RREB1: variants seen among roughly 807,000 people sequenced by gnomAD.
The protein encoded by RREB1 is ras-responsive element-binding protein 1.
Under a neutral mutation model 117.8 loss-of-function variants are expected in RREB1, and 27 were observed. That is an observed-to-expected ratio of 0.23 (90% CI 0.17 to 0.32). The LOEUF is 0.32. Among genes scored for constraint, RREB1 ranks in the 10% least tolerant of loss-of-function variants. RREB1 has a pLI of 1.00. For missense variants in RREB1, 2,577 were observed against 2,378.2 expected (o/e 1.08, Z -1.74); for synonymous variants, 1,298 against 1,026.7 (o/e 1.26, Z -5.05).
intron 10 of RREB1, among the ~76,000 whole-genome samples, chr6:7,236,164 A>G (rs1371468087): frequency 6.6e-6 from 1 of 152,126 alleles, no homozygotes; most frequent in Non-Finnish European, 1.5e-5. Flanking sequence ...TTTAGGCCAC[A>G]GGTGGAGGAG....
At chr6:7,196,049 C>T (rs1765649508) in intron 6 of RREB1, among the ~76,000 whole-genome samples, 1 of 152,148 alleles carries the variant, frequency 6.6e-6, no homozygotes, top group Non-Finnish European at 1.5e-5. Context: ...TTACCCTTCC[C>T]CCTCCTCCTG....
intron 5 of RREB1, 96 bp downstream of exon 5, chr6:7,187,619 A>G (rs1765155761): frequency 1.9e-6 from 1 of 531,906 alleles, no homozygotes. Context: ...AAGAGGGGGA[A>G]GAGTAGAACA....
chr6:7,237,307 GAA>G (rs1768396428), intron 10 of RREB1, among the ~76,000 whole-genome samples: 2 of 151,910 alleles, frequency 1.3e-5, no homozygotes, highest in Admixed American at 6.6e-5. Context: ...GGCTGGTCTT[GAA>G]CTCCCGATCT....
At chr6:7,245,293 G>T (rs892382671) in intron 11 of RREB1, among the ~76,000 whole-genome samples, 1 of 152,192 alleles carries the variant, frequency 6.6e-6, no homozygotes, top group African/African-American at 2.4e-5. Context: ...CTCTTGGGAG[G>T]CTGAGGCAGG....
At position 7,230,506 on chromosome 6, in the gene RREB1, C is replaced by T. The variant is rs1317687969; in HGVS notation, c.2407C>T (p.Arg803Cys). The change falls in exon 10 of 13, where the codon CGC becomes TGC. Residue 803 changes from arginine (R) to cysteine (C), a missense_variant. Transcript: ENST00000379938. The stretch of plus-strand genomic sequence containing the variant: ...GTGCAGCGCCGCGTTCGCGGCCAAG[C>T]GCAACTGCATCCACCACATCCTCAA... ...KECSAAFAAKRNCIHHILKQH... is the reference protein window; with the variant it reads ...KECSAAFAAKCNCIHHILKQH... 3.1e-6 allele frequency: 5 copies of T among 1,593,224 alleles called. No individual in the cohort carries two copies. Among genetic ancestry groups the T allele is most frequent in the Non-Finnish European group, 4.3e-6 (5 of 1,176,184 alleles).
chr6:7,177,922 C>G (rs1764589916), intron 2 of RREB1, among the ~76,000 whole-genome samples: 1 of 152,122 alleles, frequency 6.6e-6, no homozygotes, highest in African/African-American at 2.4e-5. Context: ...GGGGTTTTGC[C>G]ATGTTAGCCA....
intron 10 of RREB1, among the ~76,000 whole-genome samples, chr6:7,236,887 GTTTT>G (rs869133214): frequency 4.7e-5 from 3 of 63,402 alleles, no homozygotes; most frequent in African/African-American, 6.9e-5. Context: ...GTTTTTGGAG[GTTTT>G]TTTTTTTTTT....
intron 1 of RREB1, among the ~76,000 whole-genome samples, chr6:7,167,627 G>C (rs947875553): frequency 1.3e-5 from 2 of 152,118 alleles, no homozygotes; most frequent in African/African-American, 2.4e-5. Context: ...CACCGCTCCC[G>C]GCCGGGGACA....
At chr6:7,215,100 C>A in intron 8 of RREB1, 1 of 153,424 alleles carries the variant, frequency 6.5e-6, no homozygotes, top group Non-Finnish European at 1.5e-5. Flanking sequence ...CAGGCTATGG[C>A]GAGCTGGCGT....
chr6:7,151,242 A>G (rs1763109010), intron 1 of RREB1, among the ~76,000 whole-genome samples: 1 of 152,200 alleles, frequency 6.6e-6, no homozygotes, highest in African/African-American at 2.4e-5. Context: ...TTTACTAGAT[A>G]TTGTATTATG....
chr6:7,148,494 A>G (rs1480760750), intron 1 of RREB1, among the ~76,000 whole-genome samples: 1 of 151,088 alleles, frequency 6.6e-6, no homozygotes, highest in African/African-American at 2.5e-5. Context: ...CAATTGAGAA[A>G]AACAAGCATG....
chr6:7,232,744 A>G (rs1768075352), intron 10 of RREB1, among the ~76,000 whole-genome samples: 2 of 149,044 alleles, frequency 1.3e-5, no homozygotes, highest in East Asian at 2.0e-4. Context: ...CCCCAAAAGT[A>G]TCTTCCTTTT....
chr6:7,228,090 A>T (rs1581568959), intron 9 of RREB1, among the ~76,000 whole-genome samples: 1 of 152,072 alleles, frequency 6.6e-6, no homozygotes, highest in East Asian at 1.9e-4. Flanking sequence ...CCTTGAAATT[A>T]TTTTTTTCCC....
intron 1 of RREB1, among the ~76,000 whole-genome samples, chr6:7,132,940 A>C (rs1162644230): frequency 6.6e-6 from 1 of 152,194 alleles, no homozygotes; most frequent in East Asian, 1.9e-4. Flanking sequence ...CCTTTTAAAA[A>C]CATGTTTAAT....
At chr6:7,242,642 T>C (rs962217616) in intron 11 of RREB1, among the ~76,000 whole-genome samples, 8 of 134,728 alleles carry the variant, frequency 5.9e-5, no homozygotes, top group South Asian at 2.5e-4. Flanking sequence ...CATTCTGGGT[T>C]CCCCCCCCCC....
At chr6:7,200,228 ATATG>A (rs1479068936) in intron 6 of RREB1, among the ~76,000 whole-genome samples, 4 of 145,944 alleles carry the variant, frequency 2.7e-5, no homozygotes, top group East Asian at 4.1e-4. Flanking sequence ...GTATATATAT[ATATG>A]TATGTGTGTA....
chr6:7,240,985 T>C (rs1768671069), intron 11 of RREB1, among the ~76,000 whole-genome samples: 1 of 152,138 alleles, frequency 6.6e-6, no homozygotes, highest in African/African-American at 2.4e-5. Context: ...CCTAAAGGTT[T>C]GGGGAGCCTT....
intron 8 of RREB1, 68 bp downstream of exon 8, chr6:7,211,777 T>C: frequency 1.3e-6 from 2 of 1,509,746 alleles, no homozygotes; most frequent in Non-Finnish European, 1.8e-6. Flanking sequence ...TGTTCTTAAG[T>C]CCCGTTACTC....
At chr6:7,121,059 G>C (rs1359960539) in intron 1 of RREB1, among the ~76,000 whole-genome samples, 3 of 151,558 alleles carry the variant, frequency 2.0e-5, no homozygotes, top group Non-Finnish European at 4.4e-5. Context: ...CCCAACCTCA[G>C]GTGATCCACC....
Sources: allele counts gnomAD v4.1 joint callset (sites outside exome capture counted in the v4.1 genomes callset), GRCh38; gene constraint gnomAD v4.1.1; transcripts MANE v1.5; gene names NCBI Gene and HGNC (gene_info 2026-07-23, HGNC 2026-07-21).